The following RIMS1 variants were observed in gnomAD, a reference collection of about 807,000 sequenced individuals.
The protein encoded by RIMS1 is regulating synaptic membrane exocytosis 1.
In RIMS1, 83 loss-of-function variants were observed where a neutral mutation model predicts 214.1. The ratio of observed to expected loss-of-function variants is 0.39; its 90% CI spans 0.32 to 0.47. RIMS1 has a LOEUF of 0.47. Ranked by LOEUF, RIMS1 falls within the 20% of genes least tolerant of loss-of-function variation. The pLI, the probability that RIMS1 is intolerant of heterozygous loss-of-function variation, is 0.99. For missense variants in RIMS1, 2,050 were observed against 2,161.8 expected, an observed-to-expected ratio of 0.95 and a Z score of 1.03; for synonymous variants, 793 against 786.8, an observed-to-expected ratio of 1.01 and a Z score of -0.13.
intron 16 of RIMS1, among the ~76,000 whole-genome samples, chr6:72,256,944 AT>A (rs2076112483): frequency 6.6e-6 from 1 of 151,982 alleles, no homozygotes. Flanking sequence ...AAATGTTTGT[AT>A]TTCTTTAGTC....
At chr6:72,251,442 ATG>A in intron 15 of RIMS1, 74 bp downstream of exon 15, 1 of 1,207,726 alleles carries the variant, frequency 8.3e-7, no homozygotes, top group Non-Finnish European at 1.1e-6. Context: ...ATAATTCAAG[ATG>A]TTTTTTTTAA....
chr6:72,029,886 A>T (rs938161191), intron 2 of RIMS1, among the ~76,000 whole-genome samples: 2 of 152,204 alleles, frequency 1.3e-5, no homozygotes, highest in African/African-American at 4.8e-5. Context: ...AGATACCTCA[A>T]TTAACATTGT....
rs1486797143 is a variant in RIMS1 at position 71,961,064 on chromosome 6, G to A, written c.165-7919G>A. On this transcript the variant is annotated intron_variant, in intron 1 of 33. Coordinates refer to ENST00000521978, the MANE Select transcript of RIMS1 (RefSeq NM_014989.7). ...CCCTTCTTCCCCACCTCTGGCACAG[G>A]TACAGGTGGGAAAGAAGTATTGAGG... 2.6e-5 allele frequency among the ~76,000 whole-genome samples: 4 copies of A among 152,224 alleles called. No homozygotes were observed. The South Asian group carries it at 8.3e-4, about 32-fold the overall frequency.
intron 24 of RIMS1, among the ~76,000 whole-genome samples, chr6:72,285,628 G>A (rs1350316223): frequency 6.6e-6 from 1 of 152,156 alleles, no homozygotes; most frequent in East Asian, 1.9e-4. Flanking sequence ...GTAGTACAAA[G>A]AGTTGGACTT....
chr6:72,085,948 G>A (rs892330565), intron 2 of RIMS1, among the ~76,000 whole-genome samples: 8 of 152,108 alleles, frequency 5.3e-5, no homozygotes, highest in Non-Finnish European at 1.0e-4. Flanking sequence ...CACATAAAGC[G>A]TGTCCCTAAA....
At chr6:72,352,120 C>T (rs1294073991) in intron 29 of RIMS1, among the ~76,000 whole-genome samples, 2 of 152,180 alleles carry the variant, frequency 1.3e-5, no homozygotes, top group African/African-American at 2.4e-5. Context: ...ACTCTGCAAA[C>T]GTTTTACTGT....
chr6:72,100,954 T>C (rs919737883), intron 4 of RIMS1, among the ~76,000 whole-genome samples: 9 of 152,154 alleles, frequency 5.9e-5, no homozygotes, highest in Admixed American at 1.3e-4. Context: ...TAGGATAATC[T>C]ATTTTTGGTA....
chr6:72,301,630 G>A (rs1043619628), intron 26 of RIMS1, among the ~76,000 whole-genome samples: 8 of 151,434 alleles, frequency 5.3e-5, no homozygotes, highest in African/African-American at 1.5e-4. Context: ...TTAATAATAC[G>A]AAAGGGATAG....
At chr6:71,944,895 C>A (rs985486066) in intron 1 of RIMS1, among the ~76,000 whole-genome samples, 5 of 152,070 alleles carry the variant, frequency 3.3e-5, no homozygotes, top group African/African-American at 9.7e-5. Flanking sequence ...TTAGACATTG[C>A]GTTGTTATCT....
intron 6 of RIMS1, among the ~76,000 whole-genome samples, chr6:72,184,367 A>T (rs2048807065): frequency 1.3e-5 from 2 of 152,206 alleles, no homozygotes; most frequent in Non-Finnish European, 2.9e-5. Context: ...ACTATTGTTG[A>T]AAAAGAAATT....
intron 2 of RIMS1, among the ~76,000 whole-genome samples, chr6:71,989,796 T>C (rs9293860): frequency 0.014 from 2,101 of 152,220 alleles, 51 homozygotes; most frequent in African/African-American, 0.044. Flanking sequence ...TAGGAGCTAT[T>C]CCACTGTCAA....
intron 29 of RIMS1, among the ~76,000 whole-genome samples, chr6:72,381,844 G>A (rs1404625977): frequency 2.6e-5 from 4 of 152,134 alleles, no homozygotes; most frequent in East Asian, 1.9e-4. Context: ...GTCAATGTTC[G>A]AACAGATGAA....
At chr6:72,290,647 A>C (rs779487198) in intron 24 of RIMS1, 32 bp from the exon 25 acceptor site, 1 of 1,594,900 alleles carries the variant, frequency 6.3e-7, no homozygotes, top group African/African-American at 1.3e-5. Context: ...GAACCTGCTG[A>C]CTGAAGATCT....
intron 1 of RIMS1, among the ~76,000 whole-genome samples, chr6:71,912,944 G>A (rs1055449888): frequency 2.0e-5 from 3 of 152,078 alleles, no homozygotes; most frequent in Non-Finnish European, 4.4e-5. Flanking sequence ...TGAAAAATGA[G>A]CTTCATGGAA....
intron 22 of RIMS1, chr6:72,266,276 CGTGGT>C (rs1411777453): frequency 1.3e-5 from 7 of 547,588 alleles, no homozygotes; most frequent in Non-Finnish European, 2.3e-5. Flanking sequence ...TTGCAAATGG[CGTGGT>C]GTAATTTGTA....
rs1309003728 is a variant in RIMS1, at chr6:72,182,686, G to A, written c.1215G>A (p.Pro405=). 1 of 1,473,258 alleles carries A rather than the reference G, an allele frequency of 6.8e-7. No individual in the cohort carries two copies. Among genetic ancestry groups the A allele is most frequent in the Non-Finnish European group, 8.9e-7 (1 of 1,119,538 alleles). The allele number at this position is 1,473,258 out of a possible 1,614,324, so 91.3% of individuals were successfully genotyped here. The change falls in exon 6 of 34, where the codon CCG becomes CCA. Residue 405 remains proline (P), a synonymous_variant. Coordinates refer to ENST00000521978, the MANE Select transcript of RIMS1 (RefSeq NM_014989.7). The part of the protein sequence containing the change: ...LPRTEAGAAL[P]EGKAGKRAPA... ...GCACCGAGGCGGGCGCGGCGCTGCC[G>A]GAGGGCAAGGCCGGCAAACGCGCGC...
intron 19 of RIMS1, chr6:72,263,434 C>T (rs2078954860): frequency 1.2e-5 from 12 of 974,990 alleles, no homozygotes; most frequent in Non-Finnish European, 1.5e-5. Context: ...GGCTTGGAGA[C>T]TTAATCGAAT....
At chr6:71,909,793 T>C (rs1776345419) in intron 1 of RIMS1, among the ~76,000 whole-genome samples, 1 of 152,148 alleles carries the variant, frequency 6.6e-6, no homozygotes, top group South Asian at 2.1e-4. Flanking sequence ...ATTTATATTG[T>C]TTGGATCAGA....
intron 28 of RIMS1, among the ~76,000 whole-genome samples, chr6:72,328,452 AAG>A (rs1010210744): frequency 3.3e-5 from 5 of 151,798 alleles, no homozygotes; most frequent in African/African-American, 1.2e-4. Flanking sequence ...GTAATAAAAA[AAG>A]AACTCCCCCC....
Sources: gnomAD v4.1 joint callset for allele counts (sites outside exome capture counted in the v4.1 genomes callset) on GRCh38, gnomAD v4.1.1 for gene constraint, MANE v1.5 for transcripts, NCBI Gene and HGNC (gene_info 2026-07-23, HGNC 2026-07-21) for gene names.